The following PADI6 variants were observed in gnomAD, a reference collection of about 807,000 sequenced individuals.
The protein encoded by PADI6 is peptidyl arginine deiminase 6.
A neutral mutation model predicts 78.2 loss-of-function variants in PADI6; 66 were observed. That is an observed-to-expected ratio of 0.84 (90% CI 0.69 to 1.04). The LOEUF is 1.04. Ranked by LOEUF, PADI6 falls within the 50% of genes least tolerant of loss-of-function variation. The pLI is 0.00. For missense variants in PADI6, 854 were observed against 866.1 expected, an observed-to-expected ratio of 0.99 and a Z score of 0.18; for synonymous variants, 397 against 346.9, an observed-to-expected ratio of 1.14 and a Z score of -1.60.
chr1:17,385,312 G>A (rs1036987473), intron 6 of PADI6, among the ~76,000 whole-genome samples: 1 of 152,158 alleles, frequency 6.6e-6, no homozygotes, highest in Non-Finnish European at 1.5e-5. Flanking sequence ...GACCTGGTGT[G>A]ACCAGAATGG....
At chr1:17,380,970 T>G (rs1172471419) in intron 4 of PADI6, 77 bp from the exon 5 acceptor site, 1 of 1,258,080 alleles carries the variant, frequency 7.9e-7, no homozygotes, top group East Asian at 2.5e-5. Context: ...GCTGGGCCCC[T>G]CTGCTATGAG....
intron 8 of PADI6, 69 bp from the exon 9 acceptor site, chr1:17,392,045 C>T: frequency 1.5e-6 from 2 of 1,308,756 alleles, no homozygotes; most frequent in Middle Eastern, 2.1e-4. Flanking sequence ...CCTCTCTTGG[C>T]ACAAGGAGGT....
intron 15 of PADI6, among the ~76,000 whole-genome samples, chr1:17,399,424 C>A (rs927190868): frequency 2.0e-5 from 3 of 151,840 alleles, no homozygotes; most frequent in Admixed American, 6.6e-5. Context: ...CATGAAGAAA[C>A]CCTGTCTCTA....
Position 17,394,007 on chromosome 1 carries a change from C to T in PADI6, c.1107C>T (p.Pro369=), listed in dbSNP as rs1288244895. The T allele has an allele frequency of 6.2e-7, 1 of 1,613,952 alleles. No homozygotes were observed. The highest frequency in any genetic ancestry group is 1.7e-5 in the Admixed American group (1 of 60,016). ...TGGCCTTCTGCTACACCCAGGCTCC[C>T]CACAAGACAACGTCCTTGATCCTCG... ...DEMAFCYTQA[P]HKTTSLILDT... Residue 369 remains proline (P), a synonymous_variant, in exon 10 of 16, where the codon CCC becomes CCT. Transcript: ENST00000619609.
chr1:17,381,274 C>T (rs1308084848), intron 5 of PADI6, 110 bp downstream of exon 5: 1 of 838,330 alleles, frequency 1.2e-6, no homozygotes, highest in Non-Finnish European at 1.9e-6. Flanking sequence ...ACACCCTCTT[C>T]CCCAGTCCCC....
Position 17,397,143 on chromosome 1 carries a change from T to C in PADI6, c.1689+2T>C. The C allele has an allele frequency of 3.7e-6, 6 of 1,613,576 alleles. No homozygotes were observed. The highest frequency in any genetic ancestry group is 4.5e-5 in the East Asian group (2 of 44,866). ...AAGAAGCAGAATGAATACGTGGAGG[T>C]AGGACCAGTGTGAAGGGGGCCATCC... On this transcript the variant is annotated splice_donor_variant, in intron 14 of 15. Transcript: ENST00000619609. LOFTEE classifies it high-confidence loss of function.
intron 6 of PADI6, among the ~76,000 whole-genome samples, chr1:17,386,955 C>T (rs915948813): frequency 6.6e-6 from 1 of 152,210 alleles, no homozygotes; most frequent in Non-Finnish European, 1.5e-5. Context: ...GCTACAGTTC[C>T]TGGATCTCTT....
rs2075296704 is a variant in PADI6 at position 17,401,057 on chromosome 1, C to A, written c.1852-148C>A. 4.5e-6 allele frequency: 3 copies of A among 666,948 alleles called. No individual in the cohort carries two copies. In the Admixed American group the frequency reaches 8.7e-5, roughly 19 times the overall value. The allele number at this position is 666,948 out of a possible 1,614,324, so 41.3% of individuals were successfully genotyped here. On this transcript the variant is annotated intron_variant, in intron 15 of 15. Transcript: ENST00000619609. Reference sequence around the variant, plus strand: ...CTGTTGAGAAACAGCCATTGTAGGGCTAAGCAAAAGTGAGCTGGGTTTCAC... The same window carrying A: ...CTGTTGAGAAACAGCCATTGTAGGGATAAGCAAAAGTGAGCTGGGTTTCAC...
At chr1:17,385,176 C>T (rs1051969558) in intron 6 of PADI6, among the ~76,000 whole-genome samples, 1 of 145,044 alleles carries the variant, frequency 6.9e-6, no homozygotes, top group African/African-American at 2.5e-5. Context: ...AGTCTGTGGA[C>T]AGGAATGAGA....
chr1:17,373,025 C>T, intron 1 of PADI6, 31 bp from the exon 2 acceptor site: 1 of 1,600,000 alleles, frequency 6.3e-7, no homozygotes, highest in East Asian at 2.2e-5. Flanking sequence ...GTGTTTGTGC[C>T]CTGACGCGTG....
At chr1:17,399,320 C>G (rs1270725967) in intron 15 of PADI6, among the ~76,000 whole-genome samples, 3 of 152,320 alleles carry the variant, frequency 2.0e-5, no homozygotes, top group African/African-American at 2.4e-5. Context: ...CATTCTAGGC[C>G]AGGCGCAGTG....
At chr1:17,386,810 C>A (rs112952994) in intron 6 of PADI6, among the ~76,000 whole-genome samples, 2 of 152,192 alleles carry the variant, frequency 1.3e-5, no homozygotes, top group African/African-American at 4.8e-5. Context: ...GGGCTCTAAC[C>A]CAGAGCAAGA....
In PADI6 at chr1:17,394,857, G is replaced by T; in HGVS notation, c.1338-94G>T. The T allele has an allele frequency of 1.4e-6, 2 of 1,423,246 alleles. 1 individual carries two copies. Among genetic ancestry groups the T allele is most frequent in the South Asian group, 2.9e-5 (2 of 69,488 alleles). 88.2% of individuals were successfully genotyped at this position (1,423,246 alleles called of 1,614,324 possible). ...CGGCCTCTTTCACACAACGGTCAGA[G>T]GCCAGCTCCCTGGAGGCAGCATGAC... On this transcript the variant is annotated intron_variant, in intron 11 of 15. Transcript: ENST00000619609.
In PADI6 at chr1:17,394,314, C is replaced by T; in HGVS notation, c.1197C>T (p.Gly399=). The T allele has an allele frequency of 1.2e-6, 2 of 1,613,566 alleles. No individual in the cohort carries two copies. Among genetic ancestry groups the T allele is most frequent in the Non-Finnish European group, 1.7e-6 (2 of 1,179,580 alleles). The stretch of plus-strand genomic sequence containing the variant: ...CTCTCCCCCAGAGCCCTGGTATTGG[C>T]TACATGATCCAGGACACTGAGGACC... ...PMKYSLSPGI[G]YMIQDTEDHK... The change falls in exon 11 of 16, where the codon GGC becomes GGT. Residue 399 remains glycine, a synonymous_variant. Transcript: ENST00000619609.
Position 17,398,728 on chromosome 1 carries a change from G to A in PADI6, c.1732G>A (p.Gly578Ser), listed in dbSNP as rs748023708. 47 of 1,574,572 alleles carry A rather than the reference G, an allele frequency of 3.0e-5. No individual in the cohort carries two copies. Among genetic ancestry groups the A allele is most frequent in the Non-Finnish European group, 3.7e-5 (43 of 1,161,728 alleles). ...LNRDILKTEL[G>S]LVEQDIIEIP... ...CCGTGACATCCTGAAGACGGAGCTG[G>A]GCCTGGTGGAACAGGACATCATCGA... Residue 578 changes from glycine to serine, a missense_variant, in exon 15 of 16, where the codon GGC becomes AGC. Transcript: ENST00000619609.
intron 3 of PADI6, among the ~76,000 whole-genome samples, chr1:17,377,793 G>T (rs1464772779): frequency 2.0e-5 from 3 of 152,190 alleles, no homozygotes; most frequent in South Asian, 2.1e-4. Flanking sequence ...CTCCCAGTGG[G>T]GTTCATGCTG....
chr1:17,393,785 A>G (rs2075216203), intron 9 of PADI6, among the ~76,000 whole-genome samples, 190 bp from the exon 10 acceptor site: 1 of 152,136 alleles, frequency 6.6e-6, no homozygotes, highest in Non-Finnish European at 1.5e-5. Context: ...ATGGATGCTC[A>G]AGTCTTAAAC....
At chr1:17,385,037 T>C (rs556102922) in intron 6 of PADI6, among the ~76,000 whole-genome samples, 20 of 152,066 alleles carry the variant, frequency 1.3e-4, no homozygotes. Context: ...ATCTGAGAAG[T>C]TTGCAGAGGA....
In PADI6 at chr1:17,386,524, A is replaced by G. The variant is rs375682200; in HGVS notation, c.680-1857A>G. The stretch of plus-strand genomic sequence containing the variant: ...TGGGCTGCATGCCGTGGGCCTGCTG[A>G]TGCTATCGCAGGTCAAGAGGGCTGT... On this transcript the variant is annotated intron_variant, in intron 6 of 15. Transcript: ENST00000619609. 6.3e-4 allele frequency among the ~76,000 whole-genome samples: 96 copies of G among 152,326 alleles called. 1 individual carries two copies. Among genetic ancestry groups the G allele is most frequent in the African/African-American group, 2.3e-3 (95 of 41,592 alleles).
Sources: allele counts gnomAD v4.1 joint callset (sites outside exome capture counted in the v4.1 genomes callset), GRCh38; gene constraint gnomAD v4.1.1; transcripts MANE v1.5; gene names NCBI Gene and HGNC (gene_info 2026-07-23, HGNC 2026-07-21).